Variants in SKIL observed in about 807,000 individuals in gnomAD.
SKIL encodes the protein SKI like proto-oncogene.
Under a neutral mutation model 69.6 loss-of-function variants are expected in SKIL, and 20 were observed. The ratio of observed to expected loss-of-function variants is 0.29; its 90% CI spans 0.20 to 0.42. The LOEUF is 0.42. SKIL is among the 10% of genes least tolerant of loss of function. SKIL has a pLI of 1.00. For synonymous variants in SKIL, 310 were observed against 279.9 expected (o/e 1.11, Z -1.08); for missense variants, 745 against 783.1 (o/e 0.95, Z 0.58).
intron 2 of SKIL, among the ~76,000 whole-genome samples, chr3:170,377,684 G>T (rs1333731520): frequency 1.3e-5 from 2 of 149,522 alleles, no homozygotes; most frequent in Admixed American, 1.3e-4. Context: ...GAGTAGCTGG[G>T]ATTACAGGCG....
At chr3:170,374,447 A>ATG (rs1736935588) in intron 2 of SKIL, among the ~76,000 whole-genome samples, 1 of 152,194 alleles carries the variant, frequency 6.6e-6, no homozygotes, top group South Asian at 2.1e-4. Flanking sequence ...AAGTTATATA[A>ATG]TGTATTGTAT....
intron 1 of SKIL, among the ~76,000 whole-genome samples, chr3:170,358,075 C>T (rs1348275911): frequency 6.6e-6 from 1 of 152,074 alleles, no homozygotes; most frequent in East Asian, 1.9e-4. Flanking sequence ...GGACGCCCGT[C>T]ACCGCCCCCC....
At chr3:170,380,597 C>G (rs1353398149) in intron 2 of SKIL, among the ~76,000 whole-genome samples, 1 of 151,328 alleles carries the variant, frequency 6.6e-6, no homozygotes, top group African/African-American at 2.4e-5. Flanking sequence ...GAGCCAAGAT[C>G]GCGCCACTGC....
Position 170,394,589 on chromosome 3 carries a change from T to TA in SKIL, c.*2175dup, listed in dbSNP as rs1003224605. The TA allele has an allele frequency of 6.6e-6, 1 of 152,196 alleles. No individual in the cohort carries two copies. 9.4% of individuals were successfully genotyped at this position (152,196 alleles called of 1,614,324 possible). A position where few individuals can be genotyped will look rare whatever the true frequency, so the allele number is the denominator to read the frequency against. ...TTATTGGAAAATTTTAAGCAGTGCT[T>TA]AAACACCATTAAATTATTATGAACT... On this transcript the variant is annotated 3_prime_UTR_variant, in exon 7 of 7. Coordinates refer to ENST00000259119, the MANE Select transcript of SKIL (RefSeq NM_005414.5).
In SKIL at chr3:170,392,268, C is replaced by T; in HGVS notation, c.1906C>T (p.Leu636=). 6.3e-7 allele frequency: 1 copy of T among 1,599,360 alleles called. No homozygotes were observed. Among genetic ancestry groups the T allele is most frequent in the Non-Finnish European group, 8.5e-7 (1 of 1,174,508 alleles). ...CTTTTAAATCACATAGTTGGCAGAACTGAGGCAGAGATTGGACCATGCTGA... is the reference window on the plus strand; with the variant it reads ...CTTTTAAATCACATAGTTGGCAGAATTGAGGCAGAGATTGGACCATGCTGA... ...EAEYAGQLAE[L]RQRLDHAEAD... Residue 636 remains leucine, a synonymous_variant, in exon 7 of 7, where the codon CTG becomes TTG. Transcript: ENST00000259119.
intron 2 of SKIL, among the ~76,000 whole-genome samples, chr3:170,365,256 A>G (rs1280902436): frequency 1.3e-5 from 2 of 152,236 alleles, no homozygotes; most frequent in Non-Finnish European, 2.9e-5. Context: ...GAAGTTTAGT[A>G]ATTTTTCACT....
Position 170,361,225 on chromosome 3 carries a change from T to C in SKIL, c.894T>C (p.Phe298=), listed in dbSNP as rs1262316426. The C allele has an allele frequency of 7.4e-6, 12 of 1,614,204 alleles. No individual in the cohort carries two copies. The highest frequency in any genetic ancestry group is 1.7e-5 in the Admixed American group (1 of 60,022). Residue 298 remains phenylalanine, a synonymous_variant, in exon 2 of 7, where the codon TTT becomes TTC. Transcript: ENST00000259119. The part of the protein sequence containing the change: ...CIQCLECCGM[F]APQTFVMHSH... Reference sequence around the variant, plus strand: ...AATGTCTGGAGTGTTGTGGAATGTTTGCACCCCAGACGTTTGTGATGCATT... The same window carrying C: ...AATGTCTGGAGTGTTGTGGAATGTTCGCACCCCAGACGTTTGTGATGCATT...
Position 170,368,395 on chromosome 3 carries a change from A to G in SKIL, c.1098+6966A>G, listed in dbSNP as rs150732269. 3.5e-3 allele frequency among the ~76,000 whole-genome samples: 535 copies of G among 152,344 alleles called. 2 individuals are homozygous for G. Among genetic ancestry groups the G allele is most frequent in the African/African-American group, 0.012 (509 of 41,594 alleles). On this transcript the variant is annotated intron_variant, in intron 2 of 6. Coordinates refer to ENST00000259119, the MANE Select transcript of SKIL (RefSeq NM_005414.5). ...AAGCCTGGCATGTCAAAGGCACTCA[A>G]TTAAATTTTTCTTTTTTTAACTGAA... is the stretch of plus-strand genomic sequence containing the variant.
chr3:170,358,270 G>A (rs1736039751), intron 1 of SKIL, among the ~76,000 whole-genome samples: 1 of 152,056 alleles, frequency 6.6e-6, no homozygotes. Flanking sequence ...ACTTCCCAGG[G>A]AGAGGGTGCG....
chr3:170,376,634 G>A (rs1373341117), intron 2 of SKIL, among the ~76,000 whole-genome samples: 1 of 152,026 alleles, frequency 6.6e-6, no homozygotes, highest in Non-Finnish European at 1.5e-5. Context: ...GGAGTGCCAT[G>A]GAGCAATCTC....
intron 2 of SKIL, among the ~76,000 whole-genome samples, chr3:170,368,729 T>A (rs1236002697): frequency 6.6e-6 from 1 of 152,242 alleles, no homozygotes; most frequent in African/African-American, 2.4e-5. Flanking sequence ...TAGTTTTTTT[T>A]ACACAGTAAT....
Position 170,361,221 on chromosome 3 carries a change from T to C in SKIL, c.890T>C (p.Met297Thr), listed in dbSNP as rs1173838515. The C allele has an allele frequency of 1.2e-6, 2 of 1,614,058 alleles. No individual in the cohort carries two copies. The highest frequency in any genetic ancestry group is 2.7e-5 in the African/African-American group (2 of 74,930). Reference sequence around the variant, plus strand: ...ATTCAATGTCTGGAGTGTTGTGGAATGTTTGCACCCCAGACGTTTGTGATG... The same window carrying C: ...ATTCAATGTCTGGAGTGTTGTGGAACGTTTGCACCCCAGACGTTTGTGATG... ...PCIQCLECCG[M>T]FAPQTFVMHS... The change falls in exon 2 of 7, where the codon ATG (methionine) becomes ACG (threonine). Residue 297 changes from methionine to threonine, a missense_variant. Physicochemically the swap from Met to Thr is moderately conservative, Grantham distance 81. Coordinates refer to ENST00000259119, the MANE Select transcript of SKIL (RefSeq NM_005414.5).
In SKIL at chr3:170,392,631, A is replaced by T. The variant is rs1439903706; in HGVS notation, c.*214A>T. On this transcript the variant is annotated 3_prime_UTR_variant, in exon 7 of 7. Transcript: ENST00000259119. ...AATGTATGTTTCTTTGTACTTTTTT[A>T]AAAAAATCAGCTTAGTAACAATACT... The T allele has an allele frequency of 5.6e-5, 14 of 251,230 alleles. No homozygotes were observed. Among genetic ancestry groups the T allele is most frequent in the Middle Eastern group, 2.4e-3 (2 of 828 alleles). 15.6% of individuals were successfully genotyped at this position (251,230 alleles called of 1,614,324 possible).
chr3:170,378,529 G>C (rs1737149909), intron 2 of SKIL, among the ~76,000 whole-genome samples: 1 of 149,704 alleles, frequency 6.7e-6, no homozygotes, highest in East Asian at 2.0e-4. Context: ...TTGTTGAATT[G>C]GGAATTGGAC....
intron 6 of SKIL, 65 bp downstream of exon 6, chr3:170,391,325 T>A: frequency 3.9e-6 from 1 of 259,090 alleles, no homozygotes; most frequent in Non-Finnish European, 6.5e-6. Flanking sequence ...TACTTCTCTC[T>A]TTTTTTTTTT....
chr3:170,381,380 CTTCA>C lies in SKIL; in HGVS notation c.1196+44_1196+47del, dbSNP rs779541660. On this transcript the variant is annotated intron_variant, in intron 3 of 6. Coordinates refer to ENST00000259119, the MANE Select transcript of SKIL (RefSeq NM_005414.5). ...TATTTGTTCGTTTGTTCATTCATTT[CTTCA>C]TTCAACAACTATATGCCATGCACTA... The C allele has an allele frequency of 2.3e-5, 22 of 945,230 alleles. No individual in the cohort carries two copies. The Middle Eastern group carries it at 2.7e-3, about 117-fold the overall frequency. 58.6% of individuals were successfully genotyped at this position (945,230 alleles called of 1,614,324 possible). A position where few individuals can be genotyped will look rare whatever the true frequency, so the allele number is the denominator to read the frequency against.
In SKIL at chr3:170,359,704, T is replaced by C. The variant is rs1471012216; in HGVS notation, c.-628T>C. On this transcript the variant is annotated 5_prime_UTR_variant, in exon 2 of 7. Transcript: ENST00000259119. ...CCCCCCTTCTCTTCTTCCAGATTAA[T>C]TAAAAGAAGAATGAACTATAATCCT... 1 of 152,258 alleles carries C rather than the reference T, an allele frequency of 6.6e-6. No homozygotes were observed. The highest frequency in any genetic ancestry group is 2.4e-5 in the African/African-American group (1 of 41,470). The allele number at this position is 152,258 out of a possible 1,614,324, so 9.4% of individuals were successfully genotyped here.
intron 4 of SKIL, among the ~76,000 whole-genome samples, chr3:170,387,349 C>T (rs537448966): frequency 7.9e-5 from 12 of 152,224 alleles, no homozygotes; most frequent in African/African-American, 1.4e-4. Context: ...CTCCCTTTCT[C>T]GAAGCCTCTG....
In SKIL at chr3:170,384,746, A is replaced by G. The variant is rs1459066523; in HGVS notation, c.1410A>G (p.Arg470=). The G allele has an allele frequency of 6.4e-7, 1 of 1,565,994 alleles. No homozygotes were observed. The highest frequency in any genetic ancestry group is 1.4e-5 in the African/African-American group (1 of 73,996). ...AGAAAATGGATTTAAAAACAAGTAG[A>G]GAATTATGTAGCCGTTTAGGTAAGT... ...EQEKMDLKTS[R]ELCSRLDASI... The change falls in exon 4 of 7, where the codon AGA becomes AGG. Residue 470 remains arginine (R), a synonymous_variant. Transcript: ENST00000259119.
Sources: allele counts gnomAD v4.1 joint callset (sites outside exome capture counted in the v4.1 genomes callset), GRCh38; gene constraint gnomAD v4.1.1; transcripts MANE v1.5; gene names NCBI Gene and HGNC (gene_info 2026-07-23, HGNC 2026-07-21).